ROBO2: variants seen among roughly 807,000 people sequenced by gnomAD.
The protein encoded by ROBO2 is roundabout guidance receptor 2.
Under a neutral mutation model 160.8 loss-of-function variants are expected in ROBO2, and 53 were observed. The observed-to-expected ratio is 0.33, with a 90% CI of 0.26 to 0.41. The LOEUF (loss-of-function observed/expected upper bound fraction) is 0.41, where lower values mean the gene tolerates loss of function less well. Ranked by LOEUF, ROBO2 falls within the 10% of genes least tolerant of loss-of-function variation. ROBO2 has a pLI of 1.00. For missense variants in ROBO2, 1,577 were observed against 1,722.4 expected, an observed-to-expected ratio of 0.92 and a Z score of 1.49; for synonymous variants, 664 against 611.7, an observed-to-expected ratio of 1.09 and a Z score of -1.26.
intron 2 of ROBO2, among the ~76,000 whole-genome samples, chr3:75,971,586 A>G (rs1024909827): frequency 6.6e-6 from 1 of 151,540 alleles, no homozygotes; most frequent in African/African-American, 2.4e-5. Flanking sequence ...TTGTGGTAGC[A>G]TATAATTTTT....
intron 2 of ROBO2, among the ~76,000 whole-genome samples, chr3:77,267,682 T>C (rs2059221215): frequency 6.6e-6 from 1 of 152,192 alleles, no homozygotes; most frequent in Non-Finnish European, 1.5e-5. Context: ...AGTGCTTGGC[T>C]ACAGGAGAGT....
At position 75,978,887 on chromosome 3, in the gene ROBO2, G is replaced by A. The variant is rs545744920; in HGVS notation, c.109+41285G>A. Reference sequence around the variant, plus strand: ...TGGAGCGAAGTACATGTAGGATGGGGCATGAGTAAGTGCTTGTGCATTTTT... The same window carrying A: ...TGGAGCGAAGTACATGTAGGATGGGACATGAGTAAGTGCTTGTGCATTTTT... On this transcript the variant is annotated intron_variant, in intron 2 of 26. Transcript: ENST00000487694. Among the ~76,000 whole-genome samples, 98 of 151,612 alleles carry A rather than the reference G, an allele frequency of 6.5e-4. 1 individual carries two copies. The South Asian group carries it at 0.011, about 16-fold the overall frequency.
Position 76,837,174 on chromosome 3 carries a change from T to C in ROBO2, c.110-260840T>C, listed in dbSNP as rs139195836. Among the ~76,000 whole-genome samples the C allele has an allele frequency of 1.4e-4, 22 of 152,020 alleles. No individual in the cohort carries two copies. In the East Asian group the frequency reaches 3.5e-3, roughly 24 times the overall value. On this transcript the variant is annotated intron_variant, in intron 2 of 26. Transcript: ENST00000487694. The stretch of plus-strand genomic sequence containing the variant: ...TTCATTTACAGTTGAAGCAATTTGA[T>C]AGAACCAAGGAACAGTCAGTTTAAG...
chr3:75,970,634 A>AT (rs2064965644), intron 2 of ROBO2, among the ~76,000 whole-genome samples: 1 of 151,604 alleles, frequency 6.6e-6, no homozygotes, highest in Non-Finnish European at 1.5e-5. Context: ...TTACATTACA[A>AT]GACTATAATG....
At chr3:75,972,448 A>G (rs1368925603) in intron 2 of ROBO2, among the ~76,000 whole-genome samples, 1 of 151,698 alleles carries the variant, frequency 6.6e-6, no homozygotes, top group African/African-American at 2.4e-5. Flanking sequence ...AGTAAAGACC[A>G]AAGACAAATT....
chr3:76,521,965 T>C (rs1450960892), intron 2 of ROBO2, among the ~76,000 whole-genome samples: 1 of 152,202 alleles, frequency 6.6e-6, no homozygotes, highest in Non-Finnish European at 1.5e-5. Flanking sequence ...AGTTAGCTGT[T>C]TGAGTGATCA....
chr3:76,153,019 A>G (rs539012870), intron 2 of ROBO2, among the ~76,000 whole-genome samples: 66 of 152,268 alleles, frequency 4.3e-4, no homozygotes, highest in African/African-American at 1.5e-3. Context: ...TTATAATATG[A>G]TAATGCAACC....
rs530872829 is a variant in ROBO2, at chr3:76,469,019, C to T, written c.109+531417C>T. 3.9e-5 allele frequency among the ~76,000 whole-genome samples: 6 copies of T among 152,124 alleles called. No homozygotes were observed. In the East Asian group the frequency reaches 1.2e-3, roughly 29 times the overall value. ...ATCTGCCCTTACAAATGGCTATCACCTTTGATCCTGTTGAATGTACCTGAA... is the reference window on the plus strand; with the variant it reads ...ATCTGCCCTTACAAATGGCTATCACTTTTGATCCTGTTGAATGTACCTGAA... On this transcript the variant is annotated intron_variant, in intron 2 of 26. Transcript: ENST00000487694.
chr3:77,523,043 TAGTTGAAATAAAATTACTTTCAATA>T, intron 6 of ROBO2, 141 bp downstream of exon 6: 1 of 887,500 alleles, frequency 1.1e-6, no homozygotes, highest in Non-Finnish European at 1.8e-6. Flanking sequence ...TCTCTATCAT[TAGTTGAAATAAAATTACTTTCAATA>T]TTTGGTTCCC....
intron 2 of ROBO2, among the ~76,000 whole-genome samples, chr3:77,267,498 C>G (rs932422497): frequency 5.3e-5 from 8 of 152,122 alleles, no homozygotes; most frequent in Admixed American, 2.0e-4. Context: ...GTTCCACCAC[C>G]CTGGACAAGA....
chr3:77,289,154 C>A (rs956254929), intron 2 of ROBO2, among the ~76,000 whole-genome samples: 2 of 152,180 alleles, frequency 1.3e-5, no homozygotes, highest in Middle Eastern at 3.4e-3. Flanking sequence ...ATAGGCTCTA[C>A]AAATAAATAT....
intron 2 of ROBO2, among the ~76,000 whole-genome samples, chr3:76,087,428 T>G (rs929082399): frequency 6.6e-6 from 1 of 151,826 alleles, no homozygotes; most frequent in African/African-American, 2.4e-5. Flanking sequence ...TGCAAAATTA[T>G]CCTCCAAAAG....
At chr3:76,166,956 T>C (rs1336817405) in intron 2 of ROBO2, among the ~76,000 whole-genome samples, 1 of 152,140 alleles carries the variant, frequency 6.6e-6, no homozygotes, top group East Asian at 1.9e-4. Context: ...TTTGTTTGTT[T>C]GTTTTTAAGA....
intron 2 of ROBO2, among the ~76,000 whole-genome samples, chr3:76,224,320 C>T (rs534891283): frequency 6.6e-6 from 1 of 152,300 alleles, no homozygotes; most frequent in African/African-American, 2.4e-5. Context: ...ATAATTCCTA[C>T]TTAAAAGCTA....
At chr3:76,516,416 A>C (rs1434034013) in intron 2 of ROBO2, among the ~76,000 whole-genome samples, 1 of 152,172 alleles carries the variant, frequency 6.6e-6, no homozygotes, top group Non-Finnish European at 1.5e-5. Flanking sequence ...AGTCTCTTTG[A>C]AGTTCAAAAT....
chr3:77,111,422 TA>T (rs1270818047), intron 2 of ROBO2, among the ~76,000 whole-genome samples: 1 of 152,166 alleles, frequency 6.6e-6, no homozygotes, highest in Non-Finnish European at 1.5e-5. Flanking sequence ...ATAATATACA[TA>T]AAAATGAATT....
intron 2 of ROBO2, among the ~76,000 whole-genome samples, chr3:76,496,109 A>C (rs1215552468): frequency 6.6e-6 from 1 of 152,218 alleles, no homozygotes; most frequent in Non-Finnish European, 1.5e-5. Context: ...TATAAAATGG[A>C]ATAATTTTCA....
At chr3:76,879,091 A>G (rs888501149) in intron 2 of ROBO2, among the ~76,000 whole-genome samples, 2 of 152,216 alleles carry the variant, frequency 1.3e-5, no homozygotes, top group Non-Finnish European at 2.9e-5. Context: ...TGATTTATTC[A>G]GCAAAAAGAT....
intron 2 of ROBO2, among the ~76,000 whole-genome samples, chr3:76,190,749 CAATA>C (rs1205983060): frequency 1.3e-5 from 2 of 152,004 alleles, no homozygotes; most frequent in Non-Finnish European, 1.5e-5. Context: ...ATGTTATGGA[CAATA>C]AAGTATCCAA....
Sources: allele counts gnomAD v4.1 joint callset (sites outside exome capture counted in the v4.1 genomes callset), GRCh38; gene constraint gnomAD v4.1.1; transcripts MANE v1.5; gene names NCBI Gene and HGNC (gene_info 2026-07-23, HGNC 2026-07-21).